Variants in ALDH1L2 observed in about 807,000 individuals in gnomAD.
ALDH1L2 encodes the protein mitochondrial 10-formyltetrahydrofolate dehydrogenase.
A neutral mutation model predicts 111.0 loss-of-function variants in ALDH1L2; 91 were observed. That is an observed-to-expected ratio of 0.82 (90% CI 0.69 to 0.98). The LOEUF is 0.98. Ranked by LOEUF, ALDH1L2 falls within the 50% of genes least tolerant of loss-of-function variation. The pLI is 0.00. For synonymous variants in ALDH1L2, 374 were observed against 392.6 expected (o/e 0.95, Z 0.56); for missense variants, 995 against 1,126.8 (o/e 0.88, Z 1.67).
rs11838152 is a variant in ALDH1L2 at position 105,030,515 on chromosome 12, T to C, written c.2411-86A>G. 20 of 1,173,472 alleles carry C rather than the reference T, an allele frequency of 1.7e-5. No individual in the cohort carries two copies. The African/African-American group carries it at 3.1e-4, about 18-fold the overall frequency. 72.7% of individuals were successfully genotyped at this position (1,173,472 alleles called of 1,614,324 possible). A position where few individuals can be genotyped will look rare whatever the true frequency, so the allele number is the denominator to read the frequency against. ...TCCTCTCACTTAATTACATTATAATTTTTTCTTTCCCTCTGGCCCAGTAAA... is the reference window on the plus strand; with the variant it reads ...TCCTCTCACTTAATTACATTATAATCTTTTCTTTCCCTCTGGCCCAGTAAA... On this transcript the variant is annotated intron_variant, in intron 20 of 22. Coordinates refer to ENST00000258494, the MANE Select transcript of ALDH1L2 (RefSeq NM_001034173.4).
At chr12:105,038,276 ACAAACACAC>A (rs1875294305) in intron 17 of ALDH1L2, 74 bp from the exon 18 acceptor site, 3 of 275,530 alleles carry the variant, frequency 1.1e-5, no homozygotes, top group Admixed American at 5.1e-5. Context: ...ACACACACAC[ACAAACACAC>A]ACACACACAC....
Position 105,026,735 on chromosome 12 carries a change from A to G in ALDH1L2, c.2526T>C (p.Asp842=), listed in dbSNP as rs769713390. Residue 842 remains aspartate (D), a synonymous_variant, in exon 22 of 23, where the codon GAT becomes GAC. Coordinates refer to ENST00000258494, the MANE Select transcript of ALDH1L2 (RefSeq NM_001034173.4). ...TACTATTTGCTCGCTGCAACACTCC[A>G]TCGATGTCCCTGTGTTTTTAGGAAG... The part of the protein sequence containing the change: ...VISKFQNGDI[D]GVLQRANSTE... 1.2e-6 allele frequency: 2 copies of G among 1,614,066 alleles called. No homozygotes were observed. The highest frequency in any genetic ancestry group is 1.7e-6 in the Non-Finnish European group (2 of 1,179,988).
intron 18 of ALDH1L2, among the ~76,000 whole-genome samples, chr12:105,035,279 C>A (rs12581510): frequency 0.23 from 34,442 of 151,956 alleles, 5,387 homozygotes; most frequent in East Asian, 0.5. Flanking sequence ...TTTTAAAAAT[C>A]TCTACATTAG....
chr12:105,060,014 T>C (rs1205708169), intron 9 of ALDH1L2, among the ~76,000 whole-genome samples: 1 of 152,150 alleles, frequency 6.6e-6, no homozygotes, highest in Admixed American at 6.6e-5. Flanking sequence ...AGGATCCTGG[T>C]CCAGTTTCCT....
chr12:105,059,488 GTAA>G (rs1876855062), intron 9 of ALDH1L2, among the ~76,000 whole-genome samples: 1 of 151,968 alleles, frequency 6.6e-6, no homozygotes, highest in Non-Finnish European at 1.5e-5. Flanking sequence ...GGCCCTATCT[GTAA>G]TAATAATCAT....
chr12:105,084,291 G>A (rs1165251511), intron 1 of ALDH1L2, 98 bp downstream of exon 1: 9 of 1,321,006 alleles, frequency 6.8e-6, no homozygotes, highest in Admixed American at 6.8e-5. Flanking sequence ...TCTAAGCATC[G>A]CTGCTCATCC....
At chr12:105,084,366 A>C (rs1878489799) in intron 1 of ALDH1L2, 23 bp downstream of exon 1, 4 of 1,481,978 alleles carry the variant, frequency 2.7e-6, no homozygotes, top group Non-Finnish European at 3.6e-6. Flanking sequence ...GACAGCCGGG[A>C]CGCTCGCCCG....
At chr12:105,068,613 C>G (rs1877507516) in intron 4 of ALDH1L2, 106 bp downstream of exon 4, 1 of 1,161,600 alleles carries the variant, frequency 8.6e-7, no homozygotes, top group Middle Eastern at 2.9e-4. Context: ...TGTTTTTAAA[C>G]TTTATATTTT....
In ALDH1L2 at chr12:105,065,145, G is replaced by A; in HGVS notation, c.786+122C>T. ...TAATACATGCTGAGTAAAGGGGAGA[G>A]TGAATCACAGACCTGCCTCATGACC... On this transcript the variant is annotated intron_variant, in intron 6 of 22. Coordinates refer to ENST00000258494, the MANE Select transcript of ALDH1L2 (RefSeq NM_001034173.4). 5.1e-6 allele frequency: 3 copies of A among 583,918 alleles called. No homozygotes were observed. The Admixed American group carries it at 7.9e-5, about 15-fold the overall frequency. 36.2% of individuals were successfully genotyped at this position (583,918 alleles called of 1,614,324 possible).
intron 16 of ALDH1L2, among the ~76,000 whole-genome samples, chr12:105,040,258 G>A (rs1875451669): frequency 1.3e-5 from 2 of 150,994 alleles, no homozygotes; most frequent in African/African-American, 2.4e-5. Flanking sequence ...ATTACAAACT[G>A]ATAAAAGTCT....
chr12:105,029,088 A>C (rs1257403457), intron 21 of ALDH1L2, among the ~76,000 whole-genome samples: 2 of 147,726 alleles, frequency 1.4e-5, no homozygotes, highest in East Asian at 2.0e-4. Flanking sequence ...GTGCAGTGGC[A>C]CAATCATAGC....
chr12:105,074,125 A>G, intron 1 of ALDH1L2, 120 bp from the exon 2 acceptor site: 1 of 1,302,954 alleles, frequency 7.7e-7, no homozygotes, highest in South Asian at 1.4e-5. Flanking sequence ...GGTACACCAA[A>G]AGCCCAGACT....
At chr12:105,070,521 A>C in intron 3 of ALDH1L2, 49 bp downstream of exon 3, 1 of 1,461,128 alleles carries the variant, frequency 6.8e-7, no homozygotes, top group Non-Finnish European at 9.3e-7. Flanking sequence ...ACTGGGCAAC[A>C]TAGCAAGACC....
At chr12:105,030,951 T>C (rs145353288) in intron 20 of ALDH1L2, among the ~76,000 whole-genome samples, 1 of 152,352 alleles carries the variant, frequency 6.6e-6, no homozygotes, top group East Asian at 1.9e-4. Flanking sequence ...GGTGTTTAGA[T>C]TTCTTAAGGA....
At chr12:105,059,507 T>G (rs189512692) in intron 9 of ALDH1L2, among the ~76,000 whole-genome samples, 7 of 152,170 alleles carry the variant, frequency 4.6e-5, no homozygotes, top group Admixed American at 1.3e-4. Flanking sequence ...ATCATCATAA[T>G]GTAGTATTGA....
At chr12:105,063,126 A>G in intron 6 of ALDH1L2, 104 bp from the exon 7 acceptor site, 2 of 1,274,206 alleles carry the variant, frequency 1.6e-6, no homozygotes, top group South Asian at 3.5e-5. Context: ...TCATATTATC[A>G]TCTGTAATAA....
chr12:105,024,828 C>A (rs1874335406), intron 22 of ALDH1L2, among the ~76,000 whole-genome samples: 1 of 152,194 alleles, frequency 6.6e-6, no homozygotes, highest in South Asian at 2.1e-4. Context: ...AGCTTCAAAC[C>A]AAAACCCTTC....
At position 105,021,439 on chromosome 12, in the gene ALDH1L2, C is replaced by G; in HGVS notation, c.*2985G>C. On this transcript the variant is annotated 3_prime_UTR_variant, in exon 23 of 23. Transcript: ENST00000258494. ...ATGGCGAAACCCCATCTCTACTTAG[C>G]CAGGTGTAGTGGCACACACCTGTAA... 1 of 152,300 alleles carries G rather than the reference C, an allele frequency of 6.6e-6. No individual in the cohort carries two copies. The highest frequency in any genetic ancestry group is 1.5e-5 in the Non-Finnish European group (1 of 68,128). 9.4% of individuals were successfully genotyped at this position (152,300 alleles called of 1,614,324 possible).
At chr12:105,031,575 C>T (rs1469681593) in intron 20 of ALDH1L2, among the ~76,000 whole-genome samples, 194 bp downstream of exon 20, 2 of 152,264 alleles carry the variant, frequency 1.3e-5, no homozygotes, top group African/African-American at 2.4e-5. Flanking sequence ...CCTCCGCTCA[C>T]GTTAACCTGC....
Sources: gnomAD v4.1 joint callset for allele counts (sites outside exome capture counted in the v4.1 genomes callset) on GRCh38, gnomAD v4.1.1 for gene constraint, MANE v1.5 for transcripts, NCBI Gene and HGNC (gene_info 2026-07-23, HGNC 2026-07-21) for gene names.